The following DCTN4 variants were observed in gnomAD, a reference collection of about 807,000 sequenced individuals.
DCTN4 encodes the protein dynactin 4 (p62).
A neutral mutation model predicts 62.7 loss-of-function variants in DCTN4; 23 were observed. That is an observed-to-expected ratio of 0.37 (90% CI 0.26 to 0.52). DCTN4 has a LOEUF of 0.52. DCTN4 is among the 20% of genes least tolerant of loss of function. The probability of loss-of-function intolerance (pLI) is 0.92; values close to 1 mark genes in which losing one functional copy is unlikely to be tolerated. For missense variants in DCTN4, 514 were observed against 580.4 expected, an observed-to-expected ratio of 0.89 and a Z score of 1.18; for synonymous variants, 199 against 202.1, an observed-to-expected ratio of 0.98 and a Z score of 0.13.
chr5:150,728,175 TTG>T (rs796176598), intron 8 of DCTN4, among the ~76,000 whole-genome samples: 45 of 152,298 alleles, frequency 3.0e-4, no homozygotes, highest in African/African-American at 1.0e-3. Context: ...AGAGAAAGTC[TTG>T]TGTTATTGAG....
chr5:150,747,467 A>G (rs1251108105), intron 3 of DCTN4, among the ~76,000 whole-genome samples: 2 of 152,236 alleles, frequency 1.3e-5, no homozygotes, highest in East Asian at 3.8e-4. Flanking sequence ...ACTAAAAAAG[A>G]GCCCGCATTG....
At position 150,709,664 on chromosome 5, in the gene DCTN4, A is replaced by G. The variant is rs1260393837; in HGVS notation, c.*1485T>C. 1 of 152,400 alleles carries G rather than the reference A, an allele frequency of 6.6e-6. No homozygotes were observed. Among genetic ancestry groups the G allele is most frequent in the Non-Finnish European group, 1.5e-5 (1 of 68,048 alleles). The allele number at this position is 152,400 out of a possible 1,614,324, so 9.4% of individuals were successfully genotyped here. On this transcript the variant is annotated 3_prime_UTR_variant, in exon 13 of 13. Transcript: ENST00000447998. ...AAATTGGCTTGACCTTTGTACAATT[A>G]GTACAATTTAGTGTCTTTTAGAGTA...
chr5:150,725,922 A>G (rs1760127679), intron 8 of DCTN4, among the ~76,000 whole-genome samples: 1 of 152,028 alleles, frequency 6.6e-6, no homozygotes, highest in African/African-American at 2.4e-5. Flanking sequence ...TTATTTTTTG[A>G]GACAAGTTTT....
intron 4 of DCTN4, among the ~76,000 whole-genome samples, chr5:150,737,505 C>G (rs1286412526): frequency 6.6e-6 from 1 of 151,604 alleles, no homozygotes; most frequent in Non-Finnish European, 1.5e-5. Flanking sequence ...AAATAATCTC[C>G]TTCTGAATGA....
At chr5:150,752,495 G>A (rs1433025) in intron 3 of DCTN4, among the ~76,000 whole-genome samples, 22,407 of 152,058 alleles carry the variant, frequency 0.15, 2,960 homozygotes, top group African/African-American at 0.35. Flanking sequence ...CTGGGCAGAA[G>A]GATATAAGCA....
intron 3 of DCTN4, among the ~76,000 whole-genome samples, chr5:150,744,732 G>A (rs1188365420): frequency 6.6e-6 from 1 of 151,886 alleles, no homozygotes; most frequent in Non-Finnish European, 1.5e-5. Flanking sequence ...TTACAGACAA[G>A]CAAATGATGA....
rs1427953524 is a variant in DCTN4 at position 150,756,501 on chromosome 5, A to C, written c.136-14T>G. 2 of 1,557,008 alleles carry C rather than the reference A, an allele frequency of 1.3e-6. No individual in the cohort carries two copies. Among genetic ancestry groups the C allele is most frequent in the East Asian group, 4.5e-5 (2 of 44,342 alleles). Reference sequence around the variant, plus strand: ...ATGGGAGTCCACCTAGGAGGAAACAAGAAAGAAAAAAAAAACCAGAGGAGA... The same window carrying C: ...ATGGGAGTCCACCTAGGAGGAAACACGAAAGAAAAAAAAAACCAGAGGAGA... On this transcript the variant is annotated splice_polypyrimidine_tract_variant and intron_variant, in intron 1 of 12. Transcript: ENST00000447998.
chr5:150,753,679 C>T (rs775173034), intron 2 of DCTN4, 22 bp from the exon 3 acceptor site: 1 of 1,596,822 alleles, frequency 6.3e-7, no homozygotes. Context: ...CAAACACAAC[C>T]ATTCATTCAA....
At chr5:150,757,365 G>A (rs1007690052) in intron 1 of DCTN4, among the ~76,000 whole-genome samples, 2 of 152,056 alleles carry the variant, frequency 1.3e-5, no homozygotes, top group African/African-American at 4.8e-5. Flanking sequence ...CTGCTTGTCC[G>A]TTCATGTGCA....
At chr5:150,718,490 C>T in intron 10 of DCTN4, 107 bp from the exon 11 acceptor site, 1 of 683,860 alleles carries the variant, frequency 1.5e-6, no homozygotes, top group Non-Finnish European at 2.6e-6. Context: ...GCAATGACGC[C>T]CTACTTATAC....
chr5:150,737,159 A>AT (rs1760611808), intron 4 of DCTN4, among the ~76,000 whole-genome samples: 2 of 152,184 alleles, frequency 1.3e-5, no homozygotes, highest in African/African-American at 4.8e-5. Context: ...AAGCAACACA[A>AT]AAATAGTGGG....
At chr5:150,748,217 C>A (rs1383668108) in intron 3 of DCTN4, among the ~76,000 whole-genome samples, 1 of 150,042 alleles carries the variant, frequency 6.7e-6, no homozygotes. Flanking sequence ...CAGAGAAATG[C>A]AAATCAAAAC....
chr5:150,753,739 C>A, intron 2 of DCTN4, 82 bp from the exon 3 acceptor site: 1 of 1,402,382 alleles, frequency 7.1e-7, no homozygotes, highest in South Asian at 1.4e-5. Flanking sequence ...GGACAAGTGT[C>A]TCTCAAGAAA....
At chr5:150,715,812 A>T in intron 11 of DCTN4, 150 bp from the exon 12 acceptor site, 1 of 630,768 alleles carries the variant, frequency 1.6e-6, no homozygotes, top group Non-Finnish European at 2.8e-6. Context: ...CAAAGGTTTT[A>T]AGAGAAAGCT....
At chr5:150,752,220 A>G (rs181976633) in intron 3 of DCTN4, among the ~76,000 whole-genome samples, 76 of 152,282 alleles carry the variant, frequency 5.0e-4, no homozygotes, top group African/African-American at 1.8e-3. Flanking sequence ...AAGATTTTGA[A>G]CTGACTGTAC....
At chr5:150,756,039 C>CTTTTTTT (rs777641858) in intron 2 of DCTN4, among the ~76,000 whole-genome samples, 1 of 124,994 alleles carries the variant, frequency 8.0e-6, no homozygotes, top group Non-Finnish European at 1.7e-5. Context: ...TTTCATGTGT[C>CTTTTTTT]TTTTTTTTTT....
At chr5:150,715,862 G>A (rs1241295066) in intron 11 of DCTN4, among the ~76,000 whole-genome samples, 200 bp from the exon 12 acceptor site, 1 of 152,140 alleles carries the variant, frequency 6.6e-6, no homozygotes, top group Non-Finnish European at 1.5e-5. Flanking sequence ...ATGAGGAACT[G>A]GGGAGAACAT....
At chr5:150,727,166 G>T (rs1381091588) in intron 8 of DCTN4, among the ~76,000 whole-genome samples, 2 of 151,960 alleles carry the variant, frequency 1.3e-5, no homozygotes, top group African/African-American at 4.8e-5. Context: ...GATATTTGAG[G>T]GCAGCTGCAA....
chr5:150,718,318 C>G lies in DCTN4; in HGVS notation c.1029G>C (p.Glu343Asp). ...VENLTHVTLF[E>D]CEEGDPDDIN... The stretch of plus-strand genomic sequence containing the variant: ...TATCATCAGGGTCCCCCTCCTCACA[C>G]TCGAAGAGAGTCACATGGGTGAGGT... The change falls in exon 11 of 13, where the codon GAG (glutamate) becomes GAC (aspartate). Residue 343 changes from glutamate (E) to aspartate (D), a missense_variant. Coordinates refer to ENST00000447998, the MANE Select transcript of DCTN4 (RefSeq NM_016221.4). The G allele has an allele frequency of 2.5e-6, 4 of 1,614,172 alleles. No homozygotes were observed. The highest frequency in any genetic ancestry group is 2.5e-6 in the Non-Finnish European group (3 of 1,180,008).
Sources: gnomAD v4.1 joint callset for allele counts (sites outside exome capture counted in the v4.1 genomes callset) on GRCh38, gnomAD v4.1.1 for gene constraint, MANE v1.5 for transcripts, NCBI Gene and HGNC (gene_info 2026-07-23, HGNC 2026-07-21) for gene names.